Variants in MACROD2 observed in about 807,000 individuals in gnomAD.
MACROD2 encodes ADP-ribose glycohydrolase MACROD2.
A neutral mutation model predicts 70.4 loss-of-function variants in MACROD2; 36 were observed. The ratio of observed to expected loss-of-function variants is 0.51; its 90% CI spans 0.39 to 0.68. The LOEUF (loss-of-function observed/expected upper bound fraction) is 0.68. Ranked by LOEUF, MACROD2 falls within the 30% of genes least tolerant of loss-of-function variation. The pLI, the probability that MACROD2 is intolerant of heterozygous loss-of-function variation, is 0.00. For missense variants in MACROD2, 496 were observed against 538.4 expected (o/e 0.92, Z 0.78); for synonymous variants, 172 against 178.8 (o/e 0.96, Z 0.30).
intron 10 of MACROD2, among the ~76,000 whole-genome samples, chr20:15,899,090 G>T (rs2065022399): frequency 1.3e-5 from 2 of 151,592 alleles, no homozygotes; most frequent in African/African-American, 4.8e-5. Flanking sequence ...ATATCTGTAG[G>T]TGTGTGCTAT....
rs866859300 is a variant in MACROD2, at chr20:14,862,072, T to A, written c.418+177113T>A. 8.4e-4 allele frequency among the ~76,000 whole-genome samples: 34 copies of A among 40,604 alleles called. 6 individuals are homozygous for A. The highest frequency in any genetic ancestry group is 1.1e-3 in the Non-Finnish European group (27 of 24,676). The allele number at this position is 40,604 out of a possible 152,430, so 26.6% of individuals were successfully genotyped here. ...ATATTTATATATATATAAATATATA[T>A]AAATATATAAATATATATAAATATA... On this transcript the variant is annotated intron_variant, in intron 5 of 17. Coordinates refer to ENST00000684519, the MANE Select transcript of MACROD2 (RefSeq NM_001351661.2).
intron 10 of MACROD2, among the ~76,000 whole-genome samples, chr20:15,917,265 T>A (rs1042442446): frequency 2.6e-5 from 4 of 152,190 alleles, no homozygotes; most frequent in Non-Finnish European, 1.5e-5. Context: ...ACATTTTACA[T>A]AGGATTTCTC....
At chr20:14,875,918 G>C (rs774219649) in intron 5 of MACROD2, among the ~76,000 whole-genome samples, 1 of 152,084 alleles carries the variant, frequency 6.6e-6, no homozygotes, top group Non-Finnish European at 1.5e-5. Context: ...CCATGTCTTT[G>C]CTATTGTGAA....
intron 4 of MACROD2, among the ~76,000 whole-genome samples, chr20:14,581,381 G>A (rs6074761): frequency 0.37 from 56,852 of 151,926 alleles, 11,530 homozygotes; most frequent in Middle Eastern, 0.49. Context: ...TGATTCCAGC[G>A]TGGAGCGAAG....
intron 8 of MACROD2, among the ~76,000 whole-genome samples, chr20:15,514,401 C>T (rs1185746566): frequency 2.0e-5 from 3 of 152,140 alleles, no homozygotes; most frequent in Non-Finnish European, 4.4e-5. Flanking sequence ...GTACCTTTTC[C>T]ATGTTCAGAT....
chr20:15,636,594 C>T (rs2049373165), intron 8 of MACROD2, among the ~76,000 whole-genome samples: 2 of 152,212 alleles, frequency 1.3e-5, no homozygotes, highest in East Asian at 3.9e-4. Context: ...CTGAAGCAAG[C>T]CCCGAAAAGA....
chr20:15,087,785 A>G (rs541968455), intron 5 of MACROD2, among the ~76,000 whole-genome samples: 1 of 152,164 alleles, frequency 6.6e-6, no homozygotes, highest in African/African-American at 2.4e-5. Context: ...TATGTTACCA[A>G]TTTGAAAGAA....
chr20:14,391,063 A>G (rs1206026406), intron 3 of MACROD2, among the ~76,000 whole-genome samples: 1 of 152,166 alleles, frequency 6.6e-6, no homozygotes, highest in Non-Finnish European at 1.5e-5. Flanking sequence ...AGACTGTGTG[A>G]TGATTTTTAA....
chr20:14,742,302 C>G (rs1023385595), intron 5 of MACROD2, among the ~76,000 whole-genome samples: 1 of 152,062 alleles, frequency 6.6e-6, no homozygotes, highest in African/African-American at 2.4e-5. Context: ...ATTTCCTAAT[C>G]TGAGAAACAG....
intron 8 of MACROD2, among the ~76,000 whole-genome samples, chr20:15,652,530 G>C (rs928548655): frequency 6.6e-6 from 1 of 152,174 alleles, no homozygotes; most frequent in African/African-American, 2.4e-5. Flanking sequence ...GGATGACTAG[G>C]TTCACTAACT....
intron 3 of MACROD2, among the ~76,000 whole-genome samples, chr20:14,471,988 T>C (rs369863779): frequency 2.0e-4 from 30 of 152,190 alleles, no homozygotes; most frequent in African/African-American, 7.2e-4. Flanking sequence ...ATTTAAAATT[T>C]GCAAAGGAGA....
At chr20:15,023,829 C>T (rs576646440) in intron 5 of MACROD2, among the ~76,000 whole-genome samples, 2 of 152,082 alleles carry the variant, frequency 1.3e-5, no homozygotes, top group South Asian at 2.1e-4. Flanking sequence ...ACAGCCAAAC[C>T]GTATCACCCA....
At chr20:15,274,795 T>G (rs1346621854) in intron 6 of MACROD2, among the ~76,000 whole-genome samples, 1 of 152,206 alleles carries the variant, frequency 6.6e-6, no homozygotes, top group Non-Finnish European at 1.5e-5. Context: ...AAAATTTTAA[T>G]GGCACATTGT....
At chr20:14,270,506 T>C (rs1401723922) in intron 3 of MACROD2, among the ~76,000 whole-genome samples, 3 of 151,828 alleles carry the variant, frequency 2.0e-5, no homozygotes, top group Non-Finnish European at 2.9e-5. Context: ...GGAGAATTGC[T>C]TGAACCCGGG....
chr20:15,697,182 G>A (rs6043454), intron 8 of MACROD2, among the ~76,000 whole-genome samples: 1 of 152,066 alleles, frequency 6.6e-6, no homozygotes, highest in Admixed American at 6.6e-5. Context: ...TTTTGATGAA[G>A]GCATTTAGGG....
chr20:15,424,045 G>T lies in MACROD2; in HGVS notation c.541-7360G>T, dbSNP rs376161731. Among the ~76,000 whole-genome samples the T allele has an allele frequency of 2.4e-4, 36 of 151,346 alleles. 1 individual carries two copies. In the South Asian group the frequency reaches 6.7e-3, roughly 28 times the overall value. On this transcript the variant is annotated intron_variant, in intron 6 of 17. Transcript: ENST00000684519. ...GCTAGGTAGCTCTCTGACCTCTAAT[G>T]TCCTCTAGTGGCACTAATCCCACTC...
intron 2 of MACROD2, among the ~76,000 whole-genome samples, chr20:14,059,679 A>G (rs1003663649): frequency 1.3e-5 from 2 of 152,216 alleles, no homozygotes; most frequent in African/African-American, 4.8e-5. Flanking sequence ...AAGAACATTT[A>G]TTCAATATTA....
At chr20:15,118,471 A>G (rs1256936401) in intron 5 of MACROD2, among the ~76,000 whole-genome samples, 2 of 152,146 alleles carry the variant, frequency 1.3e-5, no homozygotes, top group African/African-American at 4.8e-5. Flanking sequence ...GAGTGCAAGC[A>G]TGAGCCACCA....
At chr20:14,207,940 T>C in intron 3 of MACROD2, among the ~76,000 whole-genome samples, 1 of 152,256 alleles carries the variant, frequency 6.6e-6, no homozygotes, top group African/African-American at 2.4e-5. Flanking sequence ...AAATACAGCC[T>C]TATTTTCTAT....
Sources: allele counts gnomAD v4.1 joint callset (sites outside exome capture counted in the v4.1 genomes callset), GRCh38; gene constraint gnomAD v4.1.1; transcripts MANE v1.5; gene names NCBI Gene and HGNC (gene_info 2026-07-23, HGNC 2026-07-21).